GLP2R: variants seen among roughly 807,000 people sequenced by gnomAD.
The protein encoded by GLP2R is glucagon like peptide 2 receptor, also known as glucagon-like peptide 2 receptor.
A neutral mutation model predicts 68.2 loss-of-function variants in GLP2R; 59 were observed. The ratio of observed to expected loss-of-function variants is 0.87; its 90% CI spans 0.70 to 1.07. The LOEUF (loss-of-function observed/expected upper bound fraction) is 1.07. GLP2R is among the 50% of genes least tolerant of loss of function. The pLI is 0.00. For synonymous variants in GLP2R, 270 were observed against 265.4 expected, an observed-to-expected ratio of 1.02 and a Z score of -0.17; for missense variants, 548 against 677.4, an observed-to-expected ratio of 0.81 and a Z score of 2.12.
At chr17:9,836,707 C>T (rs1265459496) in intron 3 of GLP2R, among the ~76,000 whole-genome samples, 1 of 151,994 alleles carries the variant, frequency 6.6e-6, no homozygotes, top group Non-Finnish European at 1.5e-5. Flanking sequence ...TGTTTTGATA[C>T]AGGCATGCAA....
At chr17:9,882,046 A>AG (rs1320232301) in intron 11 of GLP2R, among the ~76,000 whole-genome samples, 1 of 152,126 alleles carries the variant, frequency 6.6e-6, no homozygotes, top group African/African-American at 2.4e-5. Flanking sequence ...ACTAAAAAAA[A>AG]AAAAAAAAAG....
At chr17:9,876,527 T>C (rs1210538544) in intron 10 of GLP2R, among the ~76,000 whole-genome samples, 1 of 152,214 alleles carries the variant, frequency 6.6e-6, no homozygotes, top group Non-Finnish European at 1.5e-5. Flanking sequence ...GTACAGATTC[T>C]TGTGTCATTG....
chr17:9,842,774 G>A (rs2066800254), intron 4 of GLP2R, among the ~76,000 whole-genome samples, 158 bp downstream of exon 4: 1 of 152,192 alleles, frequency 6.6e-6, no homozygotes, highest in African/African-American at 2.4e-5. Flanking sequence ...AGCAACCCTT[G>A]TGGCGGCCAT....
intron 3 of GLP2R, among the ~76,000 whole-genome samples, chr17:9,838,657 T>C (rs1356426449): frequency 1.3e-5 from 2 of 152,148 alleles, no homozygotes; most frequent in African/African-American, 4.8e-5. Flanking sequence ...GTTTTGGGCT[T>C]CTGGAATGTG....
intron 1 of GLP2R, among the ~76,000 whole-genome samples, chr17:9,828,944 G>A (rs182683297): frequency 6.6e-6 from 1 of 152,156 alleles, no homozygotes; most frequent in East Asian, 1.9e-4. Context: ...AATTCTGATG[G>A]CCTTACTCTT....
At chr17:9,864,670 C>T (rs1271411322) in intron 9 of GLP2R, among the ~76,000 whole-genome samples, 1 of 151,990 alleles carries the variant, frequency 6.6e-6, no homozygotes, top group African/African-American at 2.4e-5. Context: ...CTACAGGCTT[C>T]CACCACCACA....
At chr17:9,835,324 G>C (rs1597376593) in intron 2 of GLP2R, among the ~76,000 whole-genome samples, 1 of 152,072 alleles carries the variant, frequency 6.6e-6, no homozygotes, top group East Asian at 1.9e-4. Context: ...ATGATGCTTG[G>C]CTTCCAGGAG....
At chr17:9,838,265 C>G (rs1248960848) in intron 3 of GLP2R, among the ~76,000 whole-genome samples, 1 of 152,154 alleles carries the variant, frequency 6.6e-6, no homozygotes, top group Admixed American at 6.5e-5. Context: ...TTCCCACAGC[C>G]CCCTGAGCTT....
At chr17:9,833,759 C>G in intron 1 of GLP2R, 48 bp from the exon 2 acceptor site, 1 of 1,151,348 alleles carries the variant, frequency 8.7e-7, no homozygotes, top group Non-Finnish European at 1.3e-6. Flanking sequence ...ACAACAAGGC[C>G]ACATCTGTGC....
chr17:9,883,939 A>G (rs2067219214), intron 11 of GLP2R, among the ~76,000 whole-genome samples: 2 of 152,260 alleles, frequency 1.3e-5, no homozygotes, highest in Non-Finnish European at 1.5e-5. Flanking sequence ...TGGAAAAGGT[A>G]GATACACAGG....
chr17:9,849,428 C>T (rs1398099487), intron 4 of GLP2R, among the ~76,000 whole-genome samples: 1 of 151,998 alleles, frequency 6.6e-6, no homozygotes, highest in East Asian at 1.9e-4. Flanking sequence ...ATCACATGGC[C>T]TATTTCATCC....
intron 7 of GLP2R, 113 bp from the exon 8 acceptor site, chr17:9,861,026 G>C (rs1401342313): frequency 1.2e-5 from 9 of 763,206 alleles, no homozygotes; most frequent in Non-Finnish European, 2.2e-5. Context: ...ACAACTCCAT[G>C]ATGTTAGGTT....
At chr17:9,827,960 CAAAAAAAAAA>C (rs368157136) in intron 1 of GLP2R, among the ~76,000 whole-genome samples, 2 of 73,902 alleles carry the variant, frequency 2.7e-5, no homozygotes, top group Admixed American at 2.9e-4. Context: ...GGATCTGTCT[CAAAAAAAAAA>C]AAAAAAAAAA....
intron 11 of GLP2R, among the ~76,000 whole-genome samples, 186 bp from the exon 12 acceptor site, chr17:9,887,746 A>G (rs886154363): frequency 6.6e-6 from 1 of 152,202 alleles, no homozygotes; most frequent in African/African-American, 2.4e-5. Flanking sequence ...CAAAGTAAGA[A>G]CAGATGCCAT....
At chr17:9,884,307 C>T (rs988628617) in intron 11 of GLP2R, among the ~76,000 whole-genome samples, 3 of 152,190 alleles carry the variant, frequency 2.0e-5, no homozygotes, top group African/African-American at 7.2e-5. Flanking sequence ...ATTTCAGCCT[C>T]ATGGGATTCA....
intron 5 of GLP2R, 91 bp downstream of exon 5, chr17:9,854,692 C>G: frequency 1.3e-6 from 1 of 798,504 alleles, no homozygotes; most frequent in Admixed American, 1.8e-5. Context: ...CCAGTAGATG[C>G]CTGAAACCAG....
intron 1 of GLP2R, among the ~76,000 whole-genome samples, chr17:9,831,498 G>A (rs1484205087): frequency 6.6e-6 from 1 of 152,156 alleles, no homozygotes; most frequent in African/African-American, 2.4e-5. Flanking sequence ...ACAAGCTCAA[G>A]ACTCAGGGAG....
At position 9,877,655 on chromosome 17, in the gene GLP2R, C is replaced by G. The variant is rs375479614; in HGVS notation, c.1146-2723C>G. Among the ~76,000 whole-genome samples, 578 of 152,070 alleles carry G rather than the reference C, an allele frequency of 3.8e-3. 1 individual carries two copies. The highest frequency in any genetic ancestry group is 0.013 in the African/African-American group (549 of 41,490). ...CTGTAATCCCAGCACTTTGGGAGGC[C>G]GAGGCGGGCGGATCACAAGGTCAGG... On this transcript the variant is annotated intron_variant, in intron 10 of 12. Coordinates refer to ENST00000262441, the MANE Select transcript of GLP2R (RefSeq NM_004246.3).
Position 9,826,139 on chromosome 17 carries a change from ATGGGCATCCCTGCCCCC to A in GLP2R, c.81_97del (p.Ile28AspfsTer37). ...CCTGCCTGGCGTCCACGAGCTGCCC[ATGGGCATCCCTGCCCCC>A]TGGGGGACCAGTCCTCTCTCCTTCC... On this transcript the variant is annotated frameshift_variant, in exon 1 of 13. Transcript: ENST00000262441. LOFTEE classifies it high-confidence loss of function. 5 of 1,612,832 alleles carry A rather than the reference ATGGGCATCCCTGCCCCC, an allele frequency of 3.1e-6. No individual in the cohort carries two copies. The highest frequency in any genetic ancestry group is 4.2e-6 in the Non-Finnish European group (5 of 1,179,388).
Sources: allele counts gnomAD v4.1 joint callset (sites outside exome capture counted in the v4.1 genomes callset), GRCh38; gene constraint gnomAD v4.1.1; transcripts MANE v1.5; gene names NCBI Gene and HGNC (gene_info 2026-07-23, HGNC 2026-07-21).